The following DCC variants were observed in gnomAD, a reference collection of about 807,000 sequenced individuals.
DCC encodes netrin receptor DCC.
In DCC, 58 loss-of-function variants were observed where a neutral mutation model predicts 172.5. The observed-to-expected ratio is 0.34, with a 90% CI of 0.27 to 0.42. The LOEUF is 0.42. Among genes scored for constraint, DCC ranks in the 10% least tolerant of loss-of-function variants. The pLI is 1.00. For missense variants in DCC, 1,740 were observed against 1,791.0 expected (o/e 0.97, Z 0.51); for synonymous variants, 709 against 644.5 (o/e 1.10, Z -1.52).
chr18:52,898,839 G>T lies in DCC; in HGVS notation c.413-7205G>T, dbSNP rs562030252. On this transcript the variant is annotated intron_variant, in intron 2 of 28. Coordinates refer to ENST00000442544, the MANE Select transcript of DCC (RefSeq NM_005215.4). Reference sequence around the variant, plus strand: ...CTGAGGAAATATGTATTGGTCTGAGGAGATTGATGGCCACAGCCATTGCCC... The same window carrying T: ...CTGAGGAAATATGTATTGGTCTGAGTAGATTGATGGCCACAGCCATTGCCC... 6.6e-5 allele frequency among the ~76,000 whole-genome samples: 10 copies of T among 152,264 alleles called. 1 individual carries two copies. Among genetic ancestry groups the T allele is most frequent in the African/African-American group, 2.4e-4 (10 of 41,554 alleles).
intron 1 of DCC, among the ~76,000 whole-genome samples, chr18:52,528,411 TA>T (rs2032046797): frequency 6.6e-6 from 1 of 151,952 alleles, no homozygotes; most frequent in Non-Finnish European, 1.5e-5. Flanking sequence ...CATATGAAAA[TA>T]AGGAAGTAAG....
chr18:52,369,065 G>A (rs558220356), intron 1 of DCC, among the ~76,000 whole-genome samples: 14 of 152,122 alleles, frequency 9.2e-5, no homozygotes, highest in Non-Finnish European at 1.8e-4. Flanking sequence ...GGTTACAAAG[G>A]TGTTTCATGT....
chr18:53,424,180 T>C (rs558584363), intron 21 of DCC, among the ~76,000 whole-genome samples: 57 of 152,328 alleles, frequency 3.7e-4, no homozygotes, highest in Admixed American at 6.5e-4. Context: ...CCTTCCTTGT[T>C]AGCAGAAAAT....
chr18:52,845,770 C>A (rs879035917), intron 2 of DCC, among the ~76,000 whole-genome samples: 1 of 152,342 alleles, frequency 6.6e-6, no homozygotes, highest in South Asian at 2.1e-4. Flanking sequence ...TGGATCAGGG[C>A]ACACTCAGAA....
intron 13 of DCC, among the ~76,000 whole-genome samples, chr18:53,311,122 A>T (rs9709659): frequency 4.7e-5 from 5 of 106,848 alleles, no homozygotes; most frequent in Admixed American, 1.2e-4. Flanking sequence ...TATTTATTTT[A>T]TTTATTTATT....
intron 15 of DCC, among the ~76,000 whole-genome samples, chr18:53,345,832 G>A (rs765120659): frequency 1.3e-5 from 2 of 150,992 alleles, no homozygotes; most frequent in Non-Finnish European, 2.9e-5. Flanking sequence ...GGTTTTTGAT[G>A]AAAAACCATT....
intron 22 of DCC, among the ~76,000 whole-genome samples, chr18:53,436,590 A>G (rs1911956643): frequency 6.6e-6 from 1 of 152,182 alleles, no homozygotes; most frequent in Admixed American, 6.5e-5. Context: ...TGCTTGCATC[A>G]AAGACTTAGG....
chr18:52,950,925 G>C (rs1263379121), intron 5 of DCC, among the ~76,000 whole-genome samples: 16 of 75,764 alleles, frequency 2.1e-4, no homozygotes, highest in African/African-American at 7.4e-4. Context: ...GTGAGACTCC[G>C]TCTCAAAAAA....
At chr18:53,099,538 A>G (rs568950624) in intron 7 of DCC, among the ~76,000 whole-genome samples, 18 of 152,304 alleles carry the variant, frequency 1.2e-4, no homozygotes, top group Admixed American at 1.3e-4. Flanking sequence ...TTCAACAAGT[A>G]AAACCTGAGC....
At chr18:53,018,605 G>A (rs768308220) in intron 5 of DCC, among the ~76,000 whole-genome samples, 1 of 151,982 alleles carries the variant, frequency 6.6e-6, no homozygotes, top group Non-Finnish European at 1.5e-5. Flanking sequence ...AATTCATTTT[G>A]TTTTCTGAAA....
chr18:52,875,425 C>T (rs1354015770), intron 2 of DCC, among the ~76,000 whole-genome samples: 2 of 152,072 alleles, frequency 1.3e-5, no homozygotes, highest in African/African-American at 2.4e-5. Flanking sequence ...TGTCTTCCTT[C>T]GAGAGATAGA....
chr18:53,416,509 C>T, intron 21 of DCC: 3 of 379,984 alleles, frequency 7.9e-6, no homozygotes, highest in South Asian at 7.2e-5. Context: ...TGCACCCTTT[C>T]CTGAGCTATG....
At chr18:53,002,973 A>G (rs1258547014) in intron 5 of DCC, among the ~76,000 whole-genome samples, 3 of 152,092 alleles carry the variant, frequency 2.0e-5, no homozygotes, top group Non-Finnish European at 4.4e-5. Context: ...CTGCCTGTCA[A>G]GACTGCTTGA....
chr18:53,226,515 G>C (rs545533329), intron 12 of DCC, among the ~76,000 whole-genome samples: 1 of 152,124 alleles, frequency 6.6e-6, no homozygotes, highest in Non-Finnish European at 1.5e-5. Flanking sequence ...GAGCACAACT[G>C]ATACCTCAAT....
At chr18:52,800,308 G>T (rs900339288) in intron 2 of DCC, among the ~76,000 whole-genome samples, 4 of 152,116 alleles carry the variant, frequency 2.6e-5, no homozygotes, top group African/African-American at 4.8e-5. Context: ...ATTAAACAAA[G>T]AATATTCCAA....
At chr18:53,117,960 G>C (rs1407155432) in intron 7 of DCC, among the ~76,000 whole-genome samples, 1 of 151,716 alleles carries the variant, frequency 6.6e-6, no homozygotes, top group Non-Finnish European at 1.5e-5. Context: ...ACACAAAACA[G>C]GCAGCCAGAT....
intron 1 of DCC, among the ~76,000 whole-genome samples, chr18:52,695,206 A>G (rs1180313512): frequency 6.6e-6 from 1 of 152,170 alleles, no homozygotes; most frequent in Non-Finnish European, 1.5e-5. Flanking sequence ...AACTTACTTA[A>G]CCTCCATGGG....
At chr18:53,087,815 A>T (rs1054186045) in intron 7 of DCC, among the ~76,000 whole-genome samples, 1 of 152,100 alleles carries the variant, frequency 6.6e-6, no homozygotes, top group Non-Finnish European at 1.5e-5. Flanking sequence ...TCAGCTTTCT[A>T]CATATGGCTA....
chr18:53,509,233 A>G (rs886633471), intron 27 of DCC, among the ~76,000 whole-genome samples: 5 of 152,274 alleles, frequency 3.3e-5, no homozygotes, highest in African/African-American at 1.2e-4. Context: ...GTTATTTCTC[A>G]TTGAGCACAT....
Sources: allele counts gnomAD v4.1 joint callset (sites outside exome capture counted in the v4.1 genomes callset), GRCh38; gene constraint gnomAD v4.1.1; transcripts MANE v1.5; gene names NCBI Gene and HGNC (gene_info 2026-07-23, HGNC 2026-07-21).